The following L3MBTL3 variants were observed in gnomAD, a reference collection of about 807,000 sequenced individuals.
The protein encoded by L3MBTL3 is lethal(3)malignant brain tumor-like protein 3.
L3MBTL3 carries 27 observed loss-of-function variants against 102.3 expected under a neutral mutation model. The ratio of observed to expected loss-of-function variants is 0.26; its 90% CI spans 0.19 to 0.36. L3MBTL3 has a LOEUF of 0.36. Ranked by LOEUF, L3MBTL3 falls within the 10% of genes least tolerant of loss-of-function variation. The pLI, the probability that L3MBTL3 is intolerant of heterozygous loss-of-function variation, is 1.00. For missense variants in L3MBTL3, 798 were observed against 955.3 expected, an observed-to-expected ratio of 0.84 and a Z score of 2.17; for synonymous variants, 340 against 320.9, an observed-to-expected ratio of 1.06 and a Z score of -0.64.
At chr6:130,034,931 C>T (rs1779957007) in intron 2 of L3MBTL3, among the ~76,000 whole-genome samples, 1 of 152,180 alleles carries the variant, frequency 6.6e-6, no homozygotes, top group South Asian at 2.1e-4. Flanking sequence ...CGTACACCTC[C>T]TCCTCTCATC....
rs771730197 is a variant in L3MBTL3, at chr6:130,049,772, G to A, written c.231G>A (p.Pro77=). 8.7e-6 allele frequency: 14 copies of A among 1,613,702 alleles called. No homozygotes were observed. The highest frequency in any genetic ancestry group is 3.3e-5 in the Admixed American group (2 of 59,984). Residue 77 remains proline (P), a synonymous_variant, in exon 5 of 23, where the codon CCG becomes CCA. Coordinates refer to ENST00000361794, the MANE Select transcript of L3MBTL3 (RefSeq NM_032438.4). ...PTAQEAPTSP[P]SSRPVFPPAY... ...CATCTCCAGCCCCGACCTCTCCCCC[G>A]AGCTCCAGGCCCGTATTTCCACCTG...
chr6:130,029,260 A>C (rs748362737), intron 2 of L3MBTL3, among the ~76,000 whole-genome samples: 78 of 152,182 alleles, frequency 5.1e-4, no homozygotes, highest in Non-Finnish European at 8.7e-4. Context: ...ATAGAGAAAC[A>C]CTCCCACTGT....
chr6:130,083,123 G>A (rs912662576), intron 14 of L3MBTL3, among the ~76,000 whole-genome samples: 2 of 152,110 alleles, frequency 1.3e-5, no homozygotes, highest in Admixed American at 1.3e-4. Context: ...GTGTGTGTTT[G>A]TTGGAACAAT....
chr6:130,134,220 GA>G (rs1182576768), intron 22 of L3MBTL3, among the ~76,000 whole-genome samples: 1 of 152,128 alleles, frequency 6.6e-6, no homozygotes, highest in Non-Finnish European at 1.5e-5. Flanking sequence ...GGAAGCCAAA[GA>G]AAGAAAGAAG....
At chr6:130,091,830 T>A (rs1784067849) in intron 16 of L3MBTL3, among the ~76,000 whole-genome samples, 1 of 151,334 alleles carries the variant, frequency 6.6e-6, no homozygotes, top group Non-Finnish European at 1.5e-5. Context: ...GACAAGAGGG[T>A]ACAATAAGGG....
chr6:130,101,013 T>C (rs1784654579), intron 18 of L3MBTL3, among the ~76,000 whole-genome samples: 1 of 152,216 alleles, frequency 6.6e-6, no homozygotes, highest in African/African-American at 2.4e-5. Flanking sequence ...GAAATGCTGG[T>C]CATGATATTC....
chr6:130,053,551 C>T (rs539983745), intron 7 of L3MBTL3, among the ~76,000 whole-genome samples: 19 of 150,712 alleles, frequency 1.3e-4, no homozygotes, highest in African/African-American at 2.4e-4. Context: ...AGGAGAATGG[C>T]GTGAACCTGG....
intron 22 of L3MBTL3, among the ~76,000 whole-genome samples, chr6:130,139,207 T>C (rs1415301918): frequency 6.6e-6 from 1 of 152,246 alleles, no homozygotes; most frequent in Non-Finnish European, 1.5e-5. Context: ...GCTGATATGT[T>C]TGCCTGAGTT....
chr6:130,035,955 A>G (rs1780027376), intron 2 of L3MBTL3, among the ~76,000 whole-genome samples: 1 of 148,636 alleles, frequency 6.7e-6, no homozygotes, highest in South Asian at 2.2e-4. Context: ...TGTGACTTGC[A>G]TTGTGACTCT....
intron 19 of L3MBTL3, among the ~76,000 whole-genome samples, chr6:130,110,802 C>T (rs983195444): frequency 1.3e-5 from 2 of 152,120 alleles, no homozygotes; most frequent in African/African-American, 2.4e-5. Context: ...CAGCTTTTGC[C>T]CATTTAGTAT....
At chr6:130,104,844 G>A (rs1784893754) in intron 19 of L3MBTL3, among the ~76,000 whole-genome samples, 2 of 151,646 alleles carry the variant, frequency 1.3e-5, no homozygotes, top group South Asian at 4.2e-4. Flanking sequence ...TAGGAATTTG[G>A]AAATTCCAGT....
chr6:130,128,874 C>T (rs1182604597), intron 20 of L3MBTL3, among the ~76,000 whole-genome samples: 2 of 152,122 alleles, frequency 1.3e-5, no homozygotes, highest in Admixed American at 6.6e-5. Context: ...TCTTTTATCT[C>T]GCTGGAAGGT....
In L3MBTL3 at chr6:130,131,818, C is replaced by T. The variant is rs115007109; in HGVS notation, c.1967-1634C>T. ...GCTGGTGAGAGTGTAGCAGTGAGGA[C>T]GACCAGAGGTCACTTGGTTTTGGTG... On this transcript the variant is annotated intron_variant, in intron 20 of 22. Transcript: ENST00000361794. 1.9e-3 allele frequency among the ~76,000 whole-genome samples: 289 copies of T among 152,270 alleles called. 3 individuals are homozygous for T. Among genetic ancestry groups the T allele is most frequent in the African/African-American group, 6.6e-3 (274 of 41,556 alleles).
chr6:130,058,593 A>T, intron 9 of L3MBTL3, among the ~76,000 whole-genome samples: 1 of 152,324 alleles, frequency 6.6e-6, no homozygotes, highest in East Asian at 1.9e-4. Context: ...TAAACAGACA[A>T]ACAAAACACA....
At chr6:130,120,748 A>G (rs917115737) in intron 19 of L3MBTL3, 131 bp from the exon 20 acceptor site, 12 of 695,144 alleles carry the variant, frequency 1.7e-5, no homozygotes, top group African/African-American at 3.6e-5. Context: ...TAGGAGAACT[A>G]TATATCCTTT....
At chr6:130,043,288 T>C (rs1021777230) in intron 3 of L3MBTL3, among the ~76,000 whole-genome samples, 18 of 152,212 alleles carry the variant, frequency 1.2e-4, no homozygotes, top group African/African-American at 4.3e-4. Context: ...ACTGTAAATA[T>C]GGATTTTTAT....
intron 14 of L3MBTL3, 72 bp downstream of exon 14, chr6:130,078,706 C>A: frequency 1.0e-6 from 1 of 996,058 alleles, no homozygotes; most frequent in Non-Finnish European, 1.5e-6. Flanking sequence ...CTGTAAAGGG[C>A]CAGATAGTAA....
rs148263906 is a variant in L3MBTL3, at chr6:130,066,286, GTATATA to G, written c.865-55_865-50del. 2.1e-5 allele frequency: 8 copies of G among 387,684 alleles called. 1 individual carries two copies. Among genetic ancestry groups the G allele is most frequent in the Non-Finnish European group, 2.9e-5 (7 of 244,916 alleles). 24.0% of individuals were successfully genotyped at this position (387,684 alleles called of 1,614,324 possible). On this transcript the variant is annotated intron_variant, in intron 10 of 22. Coordinates refer to ENST00000361794, the MANE Select transcript of L3MBTL3 (RefSeq NM_032438.4). ...GCCTGGTGTCCATGTTTATTTTTGTGTATATATATATATATATGAATATTCTGAGTT... is the reference window on the plus strand; with the variant it reads ...GCCTGGTGTCCATGTTTATTTTTGTGTATATATATATGAATATTCTGAGTT...
At chr6:130,060,535 A>G (rs1007249977) in intron 10 of L3MBTL3, among the ~76,000 whole-genome samples, 6 of 152,220 alleles carry the variant, frequency 3.9e-5, no homozygotes, top group African/African-American at 1.4e-4. Flanking sequence ...GACCAAGCCA[A>G]ATATATGAAT....
Sources: gnomAD v4.1 joint callset for allele counts (sites outside exome capture counted in the v4.1 genomes callset) on GRCh38, gnomAD v4.1.1 for gene constraint, MANE v1.5 for transcripts, NCBI Gene and HGNC (gene_info 2026-07-23, HGNC 2026-07-21) for gene names.